The following CNNM4 variants were observed in gnomAD, a reference collection of about 807,000 sequenced individuals.
CNNM4 encodes the protein metal transporter CNNM4.
A neutral mutation model predicts 53.7 loss-of-function variants in CNNM4; 32 were observed. That is an observed-to-expected ratio of 0.60 (90% CI 0.45 to 0.80). CNNM4 has a LOEUF of 0.80. CNNM4 is among the 30% of genes least tolerant of loss of function. The probability of loss-of-function intolerance (pLI) is 0.00; values close to 1 mark genes in which losing one functional copy is unlikely to be tolerated. For missense variants in CNNM4, 784 were observed against 1,022.0 expected (o/e 0.77, Z 3.17); for synonymous variants, 410 against 440.0 (o/e 0.93, Z 0.85).
At chr2:96,781,509 C>A (rs539201288) in intron 1 of CNNM4, among the ~76,000 whole-genome samples, 1 of 152,168 alleles carries the variant, frequency 6.6e-6, no homozygotes. Flanking sequence ...CCACCATGCC[C>A]GCACCTGATT....
intron 1 of CNNM4, among the ~76,000 whole-genome samples, chr2:96,793,552 C>A (rs2079079344): frequency 6.6e-6 from 1 of 152,246 alleles, no homozygotes; most frequent in Admixed American, 6.5e-5. Context: ...GGTGCACACA[C>A]ACAGCAGTGG....
At chr2:96,799,462 C>T in intron 4 of CNNM4, 90 bp from the exon 5 acceptor site, 1 of 1,245,698 alleles carries the variant, frequency 8.0e-7, no homozygotes, top group Non-Finnish European at 1.2e-6. Flanking sequence ...TCCTCCTGCC[C>T]CACTGTCCCT....
In CNNM4 at chr2:96,800,960, C is replaced by A; in HGVS notation, c.1948+1312C>A. The stretch of plus-strand genomic sequence containing the variant: ...AGCCATGTCCCTTTCTCCACTGGGC[C>A]CATCTCTGCCCAAAGCAGCCTGGCC... On this transcript the variant is annotated intron_variant, in intron 5 of 6. Coordinates refer to ENST00000377075, the MANE Select transcript of CNNM4 (RefSeq NM_020184.4). This position sits in a 1 kb window ranked among gnomAD's most constrained non-coding sequence, Gnocchi z 4.6. The A allele has an allele frequency of 3.8e-6, 1 of 266,212 alleles. No homozygotes were observed. 16.5% of individuals were successfully genotyped at this position (266,212 alleles called of 1,614,324 possible).
Position 96,809,794 on chromosome 2 carries a change from C to G in CNNM4, c.*277C>G, listed in dbSNP as rs1400379047. On this transcript the variant is annotated 3_prime_UTR_variant, in exon 7 of 7. Transcript: ENST00000377075. ...GAGAATTTCTAAAGTAGGCTCATCA[C>G]TTTTTTTTAAATATCATTTTGGGAA... 1 of 364,362 alleles carries G rather than the reference C, an allele frequency of 2.7e-6. No homozygotes were observed. Among genetic ancestry groups the G allele is most frequent in the African/African-American group, 2.1e-5 (1 of 48,484 alleles). The allele number at this position is 364,362 out of a possible 1,614,324, so 22.6% of individuals were successfully genotyped here. A position where few individuals can be genotyped will look rare whatever the true frequency, so the allele number is the denominator to read the frequency against.
chr2:96,808,824 T>C lies in CNNM4; in HGVS notation c.2130+82T>C. ...CTACTTTCATCCACCAAACCCAGCA[T>C]GGTGGGCCCAAACCCGAGATGCCTT... On this transcript the variant is annotated intron_variant, in intron 6 of 6. Transcript: ENST00000377075. The surrounding 1 kb of genome is among the most constrained non-coding windows in gnomAD (Gnocchi z 4.9). 3 of 1,433,910 alleles carry C rather than the reference T, an allele frequency of 2.1e-6. No individual in the cohort carries two copies. The highest frequency in any genetic ancestry group is 2.9e-6 in the Non-Finnish European group (3 of 1,022,548). 88.8% of individuals were successfully genotyped at this position (1,433,910 alleles called of 1,614,324 possible).
At chr2:96,772,793 A>G (rs915521037) in intron 1 of CNNM4, among the ~76,000 whole-genome samples, 12 of 139,986 alleles carry the variant, frequency 8.6e-5, no homozygotes, top group East Asian at 2.2e-4. Context: ...ACACATGCGC[A>G]CACACACACA....
intron 1 of CNNM4, among the ~76,000 whole-genome samples, chr2:96,765,903 C>T: frequency 6.7e-6 from 1 of 149,382 alleles, no homozygotes; most frequent in East Asian, 2.0e-4. Context: ...CCTGTCTCAG[C>T]CTCCCGAGTA....
intron 5 of CNNM4, among the ~76,000 whole-genome samples, chr2:96,805,501 A>G (rs1315113053): frequency 1.0e-4 from 11 of 107,506 alleles, no homozygotes; most frequent in Non-Finnish European, 2.0e-4. Flanking sequence ...ACAGAGGGGT[A>G]TTTGGCAGGG....
At position 96,801,537 on chromosome 2, in the gene CNNM4, CAG is replaced by C. The variant is rs201912947; in HGVS notation, c.1948+1895_1948+1896del. 1.5e-3 allele frequency among the ~76,000 whole-genome samples: 225 copies of C among 149,276 alleles called. 1 individual carries two copies. Among genetic ancestry groups the C allele is most frequent in the African/African-American group, 5.4e-3 (216 of 40,236 alleles). On this transcript the variant is annotated intron_variant, in intron 5 of 6. Transcript: ENST00000377075. This position sits in a 1 kb window ranked among gnomAD's most constrained non-coding sequence, Gnocchi z 5.6. Reference sequence around the variant, plus strand: ...ACCACACACAGAGATAGCACACACACAGAGAGACCACACACACACAGAGACCA... The same window carrying C: ...ACCACACACAGAGATAGCACACACACAGAGACCACACACACACAGAGACCA...
rs777487324 is a variant in CNNM4, at chr2:96,799,054, C to T, written c.1682-3C>T. The T allele has an allele frequency of 1.9e-6, 3 of 1,613,996 alleles. No homozygotes were observed. The Admixed American group carries it at 5.0e-5, about 27-fold the overall frequency. ...GTGAGGTCTCTTCTCTCTCCTCCTA[C>T]AGAGGTCTCTCAGTTTAGCCCCTCC... is the stretch of plus-strand genomic sequence containing the variant. On this transcript the variant is annotated splice_polypyrimidine_tract_variant and splice_region_variant and intron_variant, in intron 3 of 6. Transcript: ENST00000377075.
Position 96,799,311 on chromosome 2 carries a change from G to A in CNNM4, c.1851+85G>A, listed in dbSNP as rs542943257. 9 of 1,553,520 alleles carry A rather than the reference G, an allele frequency of 5.8e-6. 1 individual carries two copies. The Admixed American group carries it at 1.0e-4, about 17-fold the overall frequency. ...GGCCCTCTCTCCCACCTGCTGCGGA[G>A]GTGCATGGCTTCCCTGCCTGGGGAG... On this transcript the variant is annotated intron_variant, in intron 4 of 6. Transcript: ENST00000377075.
At chr2:96,763,290 C>T (rs756386220) in intron 1 of CNNM4, among the ~76,000 whole-genome samples, 3 of 152,108 alleles carry the variant, frequency 2.0e-5, no homozygotes, top group African/African-American at 7.2e-5. Context: ...GGAGGGTTTA[C>T]TCATCAGCCT....
At chr2:96,802,490 T>A (rs1369758006) in intron 5 of CNNM4, among the ~76,000 whole-genome samples, 1 of 152,258 alleles carries the variant, frequency 6.6e-6, no homozygotes, top group Non-Finnish European at 1.5e-5. Context: ...GCTGGCCCAG[T>A]AGGCAACTGC....
intron 1 of CNNM4, among the ~76,000 whole-genome samples, chr2:96,776,546 A>G (rs1250259487): frequency 6.6e-6 from 1 of 152,100 alleles, no homozygotes; most frequent in African/African-American, 2.4e-5. Context: ...TCACCTACTG[A>G]TCTATGGAGC....
At chr2:96,763,260 A>G (rs2078782372) in intron 1 of CNNM4, among the ~76,000 whole-genome samples, 1 of 152,052 alleles carries the variant, frequency 6.6e-6, no homozygotes, top group Non-Finnish European at 1.5e-5. Flanking sequence ...GCCATTTCGC[A>G]GGTAGTTAGA....
intron 1 of CNNM4, among the ~76,000 whole-genome samples, chr2:96,793,592 G>A (rs932333593): frequency 5.3e-5 from 8 of 152,168 alleles, no homozygotes; most frequent in Non-Finnish European, 8.8e-5. Flanking sequence ...GAGAGGAGGC[G>A]GGGGGCGGAG....
chr2:96,793,681 A>G (rs1295374131), intron 1 of CNNM4, among the ~76,000 whole-genome samples: 1 of 152,214 alleles, frequency 6.6e-6, no homozygotes, highest in Non-Finnish European at 1.5e-5. Flanking sequence ...AGAGGCTGCC[A>G]GGCCGGGCGC....
At chr2:96,802,617 C>T (rs1053758943) in intron 5 of CNNM4, among the ~76,000 whole-genome samples, 2 of 152,324 alleles carry the variant, frequency 1.3e-5, no homozygotes, top group South Asian at 2.1e-4. Context: ...GGGAACAATG[C>T]GTGTACCCCC....
intron 5 of CNNM4, among the ~76,000 whole-genome samples, chr2:96,807,580 A>C (rs1574088420): frequency 6.6e-6 from 1 of 152,204 alleles, no homozygotes; most frequent in Non-Finnish European, 1.5e-5. Flanking sequence ...AGAAAAAGAA[A>C]AAAAATTATC....
Sources: allele counts gnomAD v4.1 joint callset (sites outside exome capture counted in the v4.1 genomes callset), GRCh38; gene constraint gnomAD v4.1.1; non-coding constraint Gnocchi (gnomAD v3.1); transcripts MANE v1.5; gene names NCBI Gene and HGNC (gene_info 2026-07-23, HGNC 2026-07-21).